Variants in PITPNM2 observed in about 807,000 individuals in gnomAD.
The protein encoded by PITPNM2 is phosphatidylinositol transfer protein membrane associated 2.
In PITPNM2, 35 loss-of-function variants were observed where a neutral mutation model predicts 132.2. The observed-to-expected ratio is 0.26, with a 90% CI of 0.20 to 0.35. The LOEUF is 0.35. PITPNM2 is among the 10% of genes least tolerant of loss of function. PITPNM2 has a pLI of 1.00. For synonymous variants in PITPNM2, 738 were observed against 799.2 expected, an observed-to-expected ratio of 0.92 and a Z score of 1.29; for missense variants, 1,332 against 1,912.0, an observed-to-expected ratio of 0.70 and a Z score of 5.66.
At chr12:123,143,771 A>G (rs2043555422) in intron 1 of PITPNM2, among the ~76,000 whole-genome samples, 1 of 152,232 alleles carries the variant, frequency 6.6e-6, no homozygotes, top group Admixed American at 6.5e-5. Flanking sequence ...TGCTGGCAGC[A>G]GCCCTTCTAG....
rs1029405063 is a variant in PITPNM2, at chr12:123,095,039, C to T, written c.-96+15346G>A. ...ATCCTTCCCTCATACAACACTTTTT[C>T]TTTGGTCACTTCTTTTTCGGGGCAC... On this transcript the variant is annotated intron_variant, in intron 2 of 25. Coordinates refer to ENST00000320201, the MANE Select transcript of PITPNM2 (RefSeq NM_020845.3). The surrounding 1 kb of genome is among the most constrained non-coding windows in gnomAD (Gnocchi z 5.0). Among the ~76,000 whole-genome samples the T allele has an allele frequency of 3.9e-5, 6 of 152,194 alleles. No homozygotes were observed. The highest frequency in any genetic ancestry group is 3.9e-4 in the Admixed American group (6 of 15,282).
chr12:123,121,075 G>A (rs1235263433), intron 1 of PITPNM2, among the ~76,000 whole-genome samples: 1 of 152,192 alleles, frequency 6.6e-6, no homozygotes, highest in Non-Finnish European at 1.5e-5. Flanking sequence ...CCTTCTCTGG[G>A]GAGCTGACTC....
intron 2 of PITPNM2, among the ~76,000 whole-genome samples, chr12:123,049,405 T>C (rs531824995): frequency 3.2e-4 from 48 of 152,062 alleles, no homozygotes; most frequent in African/African-American, 1.1e-3. Context: ...CCGTGTGCCC[T>C]GTCTGCCTGC....
rs1187584455 is a variant in PITPNM2 at position 123,108,231 on chromosome 12, G to A, written c.-96+2154C>T. Among the ~76,000 whole-genome samples the A allele has an allele frequency of 1.3e-5, 2 of 152,214 alleles. No individual in the cohort carries two copies. Among genetic ancestry groups the A allele is most frequent in the African/African-American group, 2.4e-5 (1 of 41,448 alleles). Reference sequence around the variant, plus strand: ...AACAATAAATACTTTATGGACAAATGAGTGGAGCAGAACAATTCCTGAAGA... The same window carrying A: ...AACAATAAATACTTTATGGACAAATAAGTGGAGCAGAACAATTCCTGAAGA... On this transcript the variant is annotated intron_variant, in intron 2 of 25. Coordinates refer to ENST00000320201, the MANE Select transcript of PITPNM2 (RefSeq NM_020845.3). The surrounding 1 kb of genome is among the most constrained non-coding windows in gnomAD (Gnocchi z 4.4).
chr12:123,084,673 C>A (rs1423831172), intron 2 of PITPNM2: 2 of 152,188 alleles, frequency 1.3e-5, no homozygotes, highest in Non-Finnish European at 2.9e-5. Flanking sequence ...ATTTCTAGCA[C>A]CAGCAGCAAT....
In PITPNM2 at chr12:123,036,615, C is replaced by T. The variant is rs2040277035; in HGVS notation, c.-95-1930G>A. ...ATTAGAGCCTAGATACTTTATATAC[C>T]CCAGAAACTGCACCCAACATCTGCT... On this transcript the variant is annotated intron_variant, in intron 2 of 25. Transcript: ENST00000320201. The surrounding 1 kb of genome is among the most constrained non-coding windows in gnomAD (Gnocchi z 4.1). Among the ~76,000 whole-genome samples, 1 of 152,180 alleles carries T rather than the reference C, an allele frequency of 6.6e-6. No individual in the cohort carries two copies. The highest frequency in any genetic ancestry group is 1.5e-5 in the Non-Finnish European group (1 of 68,034).
intron 2 of PITPNM2, among the ~76,000 whole-genome samples, chr12:123,074,812 G>A (rs2041731252): frequency 6.6e-6 from 1 of 152,200 alleles, no homozygotes; most frequent in Non-Finnish European, 1.5e-5. Context: ...ACCAGACCAT[G>A]CAACAGAGCA....
chr12:123,050,813 T>C (rs1366407849), intron 2 of PITPNM2, among the ~76,000 whole-genome samples: 2 of 152,020 alleles, frequency 1.3e-5, no homozygotes, highest in Non-Finnish European at 2.9e-5. Context: ...CATCATGCCA[T>C]AAAATCCTCC....
At chr12:123,101,649 C>T (rs555058391) in intron 2 of PITPNM2, among the ~76,000 whole-genome samples, 1 of 152,260 alleles carries the variant, frequency 6.6e-6, no homozygotes, top group South Asian at 2.1e-4. Context: ...GTTAAGTGGC[C>T]TACTTAAGGC....
intron 2 of PITPNM2, among the ~76,000 whole-genome samples, chr12:123,098,545 A>G (rs1187967511): frequency 1.3e-5 from 2 of 152,112 alleles, no homozygotes; most frequent in Non-Finnish European, 2.9e-5. Flanking sequence ...CTACAAAAAG[A>G]GAACAATTTT....
intron 2 of PITPNM2, among the ~76,000 whole-genome samples, chr12:123,041,765 C>T (rs1168249673): frequency 6.6e-6 from 1 of 152,132 alleles, no homozygotes; most frequent in Non-Finnish European, 1.5e-5. Context: ...TCTCCAGAGG[C>T]CCTTCAGGGA....
intron 3 of PITPNM2, among the ~76,000 whole-genome samples, chr12:123,014,818 C>CT (rs1350364081): frequency 1.3e-5 from 2 of 152,176 alleles, no homozygotes; most frequent in Non-Finnish European, 2.9e-5. Flanking sequence ...ATGGAAAATG[C>CT]TAAACAATCT....
Position 123,117,746 on chromosome 12 carries a change from A to G in PITPNM2, c.-199-7258T>C, listed in dbSNP as rs571558581. ...CTCTGTGCCCTTCATGGATTTGTTC[A>G]TTCATTGTTCAATATCTCACTATGA... On this transcript the variant is annotated intron_variant, in intron 1 of 25. Coordinates refer to ENST00000320201, the MANE Select transcript of PITPNM2 (RefSeq NM_020845.3). The surrounding 1 kb of genome is among the most constrained non-coding windows in gnomAD (Gnocchi z 4.7). 6.6e-6 allele frequency among the ~76,000 whole-genome samples: 1 copy of G among 152,278 alleles called. No homozygotes were observed. The highest frequency in any genetic ancestry group is 2.4e-5 in the African/African-American group (1 of 41,552).
At chr12:123,122,803 C>T (rs1167678995) in intron 1 of PITPNM2, among the ~76,000 whole-genome samples, 1 of 152,184 alleles carries the variant, frequency 6.6e-6, no homozygotes, top group Non-Finnish European at 1.5e-5. Flanking sequence ...CTACAGCCTG[C>T]CCTTTGCGGT....
chr12:123,032,766 G>C (rs192605572), intron 3 of PITPNM2, among the ~76,000 whole-genome samples: 173 of 152,308 alleles, frequency 1.1e-3, no homozygotes, highest in African/African-American at 4.0e-3. Flanking sequence ...TCAGAGATGG[G>C]GGGCTGATTT....
Position 123,005,735 on chromosome 12 carries a change from T to C in PITPNM2, c.644-187A>G. The C allele has an allele frequency of 1.6e-6, 1 of 607,696 alleles. No homozygotes were observed. Among genetic ancestry groups the C allele is most frequent in the East Asian group, 2.8e-5 (1 of 36,166 alleles). The allele number at this position is 607,696 out of a possible 1,614,324, so 37.6% of individuals were successfully genotyped here. A position where few individuals can be genotyped will look rare whatever the true frequency, so the allele number is the denominator to read the frequency against. Reference sequence around the variant, plus strand: ...TAAAATAAGGGGACTGGCTCACAGATAGTCTCACAAGCTCATAGTGGTTCT... The same window carrying C: ...TAAAATAAGGGGACTGGCTCACAGACAGTCTCACAAGCTCATAGTGGTTCT... On this transcript the variant is annotated intron_variant, in intron 6 of 25. Transcript: ENST00000320201. This position sits in a 1 kb window ranked among gnomAD's most constrained non-coding sequence, Gnocchi z 6.2.
chr12:123,087,018 C>A lies in PITPNM2; in HGVS notation c.-96+23367G>T, dbSNP rs180738985. ...AGGGTGCAATTAACTCCTTCAGAAC[C>A]AAGGCTAGGGCACTAAAGGGAAGAA... On this transcript the variant is annotated intron_variant, in intron 2 of 25. Transcript: ENST00000320201. Among the ~76,000 whole-genome samples, 21 of 152,282 alleles carry A rather than the reference C, an allele frequency of 1.4e-4. No homozygotes were observed. In the East Asian group the frequency reaches 4.1e-3, roughly 29 times the overall value.
At chr12:123,124,773 G>A (rs2043104576) in intron 1 of PITPNM2, among the ~76,000 whole-genome samples, 1 of 151,518 alleles carries the variant, frequency 6.6e-6, no homozygotes, top group Non-Finnish European at 1.5e-5. Flanking sequence ...TTTTCACTTC[G>A]GTACCAAGTA....
At chr12:123,035,030 C>T (rs143103353) in intron 2 of PITPNM2, among the ~76,000 whole-genome samples, 16 of 152,298 alleles carry the variant, frequency 1.1e-4, no homozygotes, top group Non-Finnish European at 1.9e-4. Context: ...TCTATTTCCC[C>T]GGTACTGACA....
Sources: gnomAD v4.1 joint callset for allele counts (sites outside exome capture counted in the v4.1 genomes callset) on GRCh38, gnomAD v4.1.1 for gene constraint, Gnocchi (gnomAD v3.1) non-coding constraint, MANE v1.5 for transcripts, NCBI Gene and HGNC (gene_info 2026-07-23, HGNC 2026-07-21) for gene names.